Variants in SERPINB8 observed in about 807,000 individuals in gnomAD.
SERPINB8 encodes the protein serpin B8.
A neutral mutation model predicts 35.3 loss-of-function variants in SERPINB8; 25 were observed. The observed-to-expected ratio is 0.71, with a 90% CI of 0.52 to 0.99. SERPINB8 has a LOEUF of 0.99. Among genes scored for constraint, SERPINB8 ranks in the 50% least tolerant of loss-of-function variants. The pLI, the probability that SERPINB8 is intolerant of heterozygous loss-of-function variation, is 0.00. For missense variants in SERPINB8, 484 were observed against 446.5 expected, an observed-to-expected ratio of 1.08 and a Z score of -0.76; for synonymous variants, 186 against 160.8, an observed-to-expected ratio of 1.16 and a Z score of -1.19.
At chr18:63,985,329 G>A in intron 6 of SERPINB8, 84 bp downstream of exon 6, 1 of 1,492,948 alleles carries the variant, frequency 6.7e-7, no homozygotes, top group Non-Finnish European at 9.1e-7. Flanking sequence ...TGGCATTTGA[G>A]GAGTTTCCAG....
downstream of SERPINB8, among the ~76,000 whole-genome samples, chr18:63,993,132 G>GT (rs906355436): frequency 2.2e-4 from 34 of 151,566 alleles, no homozygotes; most frequent in Non-Finnish European, 4.6e-4. Context: ...TATTTTTTTA[G>GT]TTTTTTTAAG....
At chr18:63,971,491 A>G (rs2050479955) in intron 1 of SERPINB8, among the ~76,000 whole-genome samples, 2 of 152,294 alleles carry the variant, frequency 1.3e-5, no homozygotes, top group South Asian at 4.1e-4. Flanking sequence ...TTAAAATTCC[A>G]GTGGTTCACG....
chr18:64,018,714 GA>G (rs1219373302), intron 7 of SERPINB8, among the ~76,000 whole-genome samples: 2 of 152,026 alleles, frequency 1.3e-5, no homozygotes, highest in Admixed American at 1.3e-4. Flanking sequence ...GGAATACAGG[GA>G]AAACATCTAT....
chr18:63,970,567 T>C (rs1458137370), intron 1 of SERPINB8: 3 of 152,506 alleles, frequency 2.0e-5, no homozygotes, highest in Non-Finnish European at 4.4e-5. Flanking sequence ...ACGCGAGCAG[T>C]GAGTTTGGAA....
At chr18:64,014,705 C>CT (rs1342012972) in intron 7 of SERPINB8, among the ~76,000 whole-genome samples, 1 of 152,144 alleles carries the variant, frequency 6.6e-6, no homozygotes, top group Admixed American at 6.5e-5. Flanking sequence ...TTCAGATTAT[C>CT]TTTTTTCTGA....
intron 1 of SERPINB8, among the ~76,000 whole-genome samples, chr18:63,999,743 G>A (rs213066): frequency 0.99 from 151,111 of 152,296 alleles, 74,968 homozygotes; most frequent in Middle Eastern, 1. Context: ...ATTAATAAGA[G>A]TTTTTCAAAT....
At chr18:63,983,760 A>C in intron 5 of SERPINB8, 39 bp downstream of exon 5, 1 of 1,415,542 alleles carries the variant, frequency 7.1e-7, no homozygotes, top group Non-Finnish European at 1.0e-6. Context: ...TACTTTCTTA[A>C]AGTAATATTA....
At chr18:63,980,494 ATGT>A (rs2050653508) in intron 3 of SERPINB8, among the ~76,000 whole-genome samples, 1 of 151,994 alleles carries the variant, frequency 6.6e-6, no homozygotes, top group South Asian at 2.1e-4. Context: ...ATGCAGGGTG[ATGT>A]TGTCTTAAAA....
chr18:63,994,882 C>T (rs1030044855), intron 1 of SERPINB8, among the ~76,000 whole-genome samples: 6 of 152,192 alleles, frequency 3.9e-5, no homozygotes, highest in African/African-American at 1.4e-4. Context: ...GTCCCAGACA[C>T]AATCCAGCTA....
downstream of SERPINB8, among the ~76,000 whole-genome samples, chr18:64,010,405 C>G (rs2050920701): frequency 6.6e-6 from 1 of 152,110 alleles, no homozygotes; most frequent in African/African-American, 2.4e-5. Context: ...TAAAGAAGCT[C>G]TTGCATATAT....
rs749523570 is a variant in SERPINB8 at position 63,978,444 on chromosome 18, G to A, written c.136G>A (p.Ala46Thr). 1.2e-6 allele frequency: 2 copies of A among 1,614,168 alleles called. No individual in the cohort carries two copies. Among genetic ancestry groups the A allele is most frequent in the Middle Eastern group, 1.6e-4 (1 of 6,062 alleles). The change falls in exon 2 of 7, where the codon GCA becomes ACA. Residue 46 changes from alanine (A) to threonine (T), a missense_variant. Physicochemically the swap from Ala to Thr is moderately conservative, Grantham distance 58 (BLOSUM62 0). Transcript: ENST00000397985. Reference sequence around the variant, plus strand: ...TGCCCTGGCCATGGTCTTCATGGGGGCAAAGGGAAGCACTGCAGCCCAGAT... The same window carrying A: ...TGCCCTGGCCATGGTCTTCATGGGGACAAAGGGAAGCACTGCAGCCCAGAT... ...SSALAMVFMGAKGSTAAQMSQ... is the reference protein window; with the variant it reads ...SSALAMVFMGTKGSTAAQMSQ...
intron 7 of SERPINB8, among the ~76,000 whole-genome samples, chr18:64,014,628 A>G (rs1319399491): frequency 6.6e-6 from 1 of 152,134 alleles, no homozygotes; most frequent in Non-Finnish European, 1.5e-5. Flanking sequence ...TAAATAATAT[A>G]TCTTGTTTTT....
In SERPINB8 at chr18:63,970,130, AGCGGCG is replaced by A. The variant is rs113130158; in HGVS notation, c.-36_-31del. ...ACAAAGGAGGAATAGTCAAAGCAGC[AGCGGCG>A]GCGGCGGCGGCGGCAGCAGCAGCAG... On this transcript the variant is annotated 5_prime_UTR_variant, in exon 1 of 7. Coordinates refer to ENST00000397985, the MANE Select transcript of SERPINB8 (RefSeq NM_002640.4). 5.2e-5 allele frequency: 18 copies of A among 343,842 alleles called. No homozygotes were observed. Among genetic ancestry groups the A allele is most frequent in the South Asian group, 8.8e-5 (4 of 45,478 alleles). The allele number at this position is 343,842 out of a possible 1,614,324, so 21.3% of individuals were successfully genotyped here.
chr18:63,986,616 G>T lies in SERPINB8; in HGVS notation c.721-258G>T, dbSNP rs548092820. The T allele has an allele frequency of 8.3e-6, 11 of 1,320,014 alleles. No homozygotes were observed. The African/African-American group carries it at 1.7e-4, about 20-fold the overall frequency. 81.8% of individuals were successfully genotyped at this position (1,320,014 alleles called of 1,614,324 possible). A position where few individuals can be genotyped will look rare whatever the true frequency, so the allele number is the denominator to read the frequency against. ...GTTTTTAACATTTGAAAGGAGTTAG[G>T]TACAAATTGTTTTTATTAAAAATTT... On this transcript the variant is annotated intron_variant, in intron 6 of 6. Transcript: ENST00000397985.
At chr18:63,994,809 A>G (rs1331869816) in intron 1 of SERPINB8, among the ~76,000 whole-genome samples, 1 of 152,122 alleles carries the variant, frequency 6.6e-6, no homozygotes, top group South Asian at 2.1e-4. Flanking sequence ...AGATTTCAAG[A>G]ATTTTTATGC....
At chr18:64,007,551 A>G (rs575317147), downstream of SERPINB8, among the ~76,000 whole-genome samples, 21 of 152,288 alleles carry the variant, frequency 1.4e-4, no homozygotes, top group African/African-American at 5.1e-4. Context: ...GAGACTGGCA[A>G]TTTATAAAGA....
chr18:64,003,950 G>C (rs937225988), intron 1 of SERPINB8, among the ~76,000 whole-genome samples: 2 of 152,134 alleles, frequency 1.3e-5, no homozygotes, highest in Admixed American at 1.3e-4. Flanking sequence ...CTGTGGCCCA[G>C]AAAAATTGAT....
chr18:64,006,969 A>G (rs1164151159), downstream of SERPINB8, among the ~76,000 whole-genome samples: 2 of 152,168 alleles, frequency 1.3e-5, no homozygotes, highest in African/African-American at 4.8e-5. Context: ...GAAAGAAAAT[A>G]CTAAAAATAA....
chr18:63,987,098 CA>C lies in SERPINB8; in HGVS notation c.947del (p.Lys316SerfsTer90), dbSNP rs762923677. Reference sequence around the variant, plus strand: ...ATGTGCCTCTGTCCAAGGTTGCCCACAAGTGCTTCGTGGAGGTCAATGAGGA... The same window carrying C: ...ATGTGCCTCTGTCCAAGGTTGCCCACAGTGCTTCGTGGAGGTCAATGAGGA... Reference protein sequence around the residue: ...KNVPLSKVAHKCFVEVNEEGT... With the variant: ...KNVPLSKVAHXCFVEVNEEGT... On this transcript the variant is annotated frameshift_variant, in exon 7 of 7. Coordinates refer to ENST00000397985, the MANE Select transcript of SERPINB8 (RefSeq NM_002640.4). LOFTEE classifies it high-confidence loss of function. The C allele has an allele frequency of 6.1e-5, 98 of 1,614,164 alleles. No homozygotes were observed. In the African/African-American group the frequency reaches 1.3e-3, roughly 21 times the overall value.
Sources: allele counts gnomAD v4.1 joint callset (sites outside exome capture counted in the v4.1 genomes callset), GRCh38; gene constraint gnomAD v4.1.1; transcripts MANE v1.5; gene names NCBI Gene and HGNC (gene_info 2026-07-23, HGNC 2026-07-21).